Variants in POLR2C observed in about 807,000 individuals in gnomAD.
The protein encoded by POLR2C is DNA-directed RNA polymerase II subunit RPB3.
A neutral mutation model predicts 41.7 loss-of-function variants in POLR2C; 36 were observed. The ratio of observed to expected loss-of-function variants is 0.86; its 90% CI spans 0.66 to 1.14. The LOEUF (loss-of-function observed/expected upper bound fraction) is 1.14. Ranked by LOEUF, POLR2C falls within the 50% of genes most tolerant of loss-of-function variation. The probability of loss-of-function intolerance (pLI) is 0.00; values close to 1 mark genes in which losing one functional copy is unlikely to be tolerated. For synonymous variants in POLR2C, 133 were observed against 137.8 expected, an observed-to-expected ratio of 0.96 and a Z score of 0.25; for missense variants, 260 against 350.4, an observed-to-expected ratio of 0.74 and a Z score of 2.06.
At chr16:57,470,189 G>T (rs1454690753) in intron 7 of POLR2C, 60 bp downstream of exon 7, 4 of 1,594,944 alleles carry the variant, frequency 2.5e-6, no homozygotes, top group African/African-American at 2.7e-5. Context: ...AGAAATGGCT[G>T]TTGTTGACTG....
chr16:57,467,606 C>T (rs2030741603), intron 4 of POLR2C, among the ~76,000 whole-genome samples: 2 of 152,172 alleles, frequency 1.3e-5, no homozygotes, highest in South Asian at 4.1e-4. Context: ...CCTATAGTTA[C>T]CAATTAATAT....
At chr16:57,467,049 C>T (rs562639171) in intron 4 of POLR2C, among the ~76,000 whole-genome samples, 3 of 152,230 alleles carry the variant, frequency 2.0e-5, no homozygotes, top group Admixed American at 1.3e-4. Context: ...CTGGCTGACA[C>T]GGTGAAACCC....
chr16:57,466,137 G>C, intron 3 of POLR2C, 38 bp from the exon 4 acceptor site: 1 of 1,559,650 alleles, frequency 6.4e-7, no homozygotes, highest in Non-Finnish European at 8.8e-7. Context: ...TGGCTTGGCT[G>C]TTTGGTTTTC....
Position 57,469,966 on chromosome 16 carries a change from C to T in POLR2C, c.445C>T (p.Leu149Phe). Residue 149 changes from leucine (L) to phenylalanine (F), a missense_variant, in exon 7 of 9, where the codon CTC (leucine) becomes TTC (phenylalanine). Transcript: ENST00000219252. The surrounding 1 kb of genome is among the most constrained non-coding windows in gnomAD (Gnocchi z 5.8). ...PNDYVEQDDI[L>F]IVKLRKGQEL... is the part of the protein sequence containing the mutation. ...ACTTGTGCCTCTCCCTGCAGACATC[C>T]TCATCGTCAAGTTGAGAAAGGGCCA... The T allele has an allele frequency of 6.2e-7, 1 of 1,613,450 alleles. No homozygotes were observed.
In POLR2C at chr16:57,469,314, T is replaced by C. The variant is rs2030774200; in HGVS notation, c.387+21T>C. The C allele has an allele frequency of 6.2e-7, 1 of 1,613,848 alleles. No individual in the cohort carries two copies. Among genetic ancestry groups the C allele is most frequent in the Middle Eastern group, 1.6e-4 (1 of 6,062 alleles). On this transcript the variant is annotated intron_variant, in intron 5 of 8. Transcript: ENST00000219252. The surrounding 1 kb of genome is among the most constrained non-coding windows in gnomAD (Gnocchi z 5.8). Reference sequence around the variant, plus strand: ...TTCCGGTCAGTGCGGGAGAGCATCCTCTTTTCCCTGGGATCTTTTCTCTTC... The same window carrying C: ...TTCCGGTCAGTGCGGGAGAGCATCCCCTTTTCCCTGGGATCTTTTCTCTTC...
chr16:57,467,389 T>G (rs2030735513), intron 4 of POLR2C, among the ~76,000 whole-genome samples: 3 of 152,234 alleles, frequency 2.0e-5, no homozygotes, highest in Admixed American at 2.0e-4. Context: ...TAGATATTGG[T>G]GGGGACCGTT....
At chr16:57,468,562 A>C (rs900117168) in intron 4 of POLR2C, among the ~76,000 whole-genome samples, 2 of 152,258 alleles carry the variant, frequency 1.3e-5, no homozygotes, top group East Asian at 1.9e-4. Flanking sequence ...TAACATGGGA[A>C]TGAGTCAGTT....
chr16:57,469,514 C>A lies in POLR2C; in HGVS notation c.388-196C>A. On this transcript the variant is annotated intron_variant, in intron 5 of 8. Transcript: ENST00000219252. The surrounding 1 kb of genome is among the most constrained non-coding windows in gnomAD (Gnocchi z 5.8). ...ATCACCCAGGGACTCTTTTAAAGGC[C>A]ATGGAATTGTTTTGCCTGAGGCTAC... is the stretch of plus-strand genomic sequence containing the variant. 1.4e-6 allele frequency: 1 copy of A among 728,150 alleles called. No individual in the cohort carries two copies. The highest frequency in any genetic ancestry group is 2.4e-6 in the Non-Finnish European group (1 of 416,366). 45.1% of individuals were successfully genotyped at this position (728,150 alleles called of 1,614,324 possible). A position where few individuals can be genotyped will look rare whatever the true frequency, so the allele number is the denominator to read the frequency against.
chr16:57,468,502 A>G lies in POLR2C; in HGVS notation c.259-663A>G, dbSNP rs535904115. Among the ~76,000 whole-genome samples the G allele has an allele frequency of 2.6e-5, 4 of 152,322 alleles. No homozygotes were observed. In the South Asian group the frequency reaches 8.3e-4, roughly 32 times the overall value. On this transcript the variant is annotated intron_variant, in intron 4 of 8. Transcript: ENST00000219252. ...GGGAGAGAACAGCTTGCTTGATTGC[A>G]TCCTAGTAACTGTCTTCTTGCCTGA...
rs1284162235 is a variant in POLR2C, at chr16:57,469,484, C to T, written c.387+191C>T. The T allele has an allele frequency of 8.2e-6, 6 of 729,060 alleles. No individual in the cohort carries two copies. The East Asian group carries it at 1.6e-4, about 20-fold the overall frequency. The allele number at this position is 729,060 out of a possible 1,614,324, so 45.2% of individuals were successfully genotyped here. A position where few individuals can be genotyped will look rare whatever the true frequency, so the allele number is the denominator to read the frequency against. Reference sequence around the variant, plus strand: ...CGTTAGCATCGTTGGTGCTGCGCACCCTCTATCACCCAGGGACTCTTTTAA... The same window carrying T: ...CGTTAGCATCGTTGGTGCTGCGCACTCTCTATCACCCAGGGACTCTTTTAA... On this transcript the variant is annotated intron_variant, in intron 5 of 8. Transcript: ENST00000219252. This position sits in a 1 kb window ranked among gnomAD's most constrained non-coding sequence, Gnocchi z 5.8.
At chr16:57,465,456 G>A (rs527570522) in intron 2 of POLR2C, among the ~76,000 whole-genome samples, 3 of 152,286 alleles carry the variant, frequency 2.0e-5, no homozygotes, top group East Asian at 1.9e-4. Flanking sequence ...TATACTTTGC[G>A]CATTAAAAGA....
chr16:57,470,878 C>G, intron 8 of POLR2C, 97 bp from the exon 9 acceptor site: 2 of 1,229,874 alleles, frequency 1.6e-6, no homozygotes, highest in Admixed American at 3.9e-5. Context: ...CATGTGGGAA[C>G]AGAGCCAAGA....
In POLR2C at chr16:57,467,887, C is replaced by T. The variant is rs541086769; in HGVS notation, c.259-1278C>T. Among the ~76,000 whole-genome samples, 7 of 152,312 alleles carry T rather than the reference C, an allele frequency of 4.6e-5. No individual in the cohort carries two copies. The South Asian group carries it at 1.2e-3, about 27-fold the overall frequency. On this transcript the variant is annotated intron_variant, in intron 4 of 8. Transcript: ENST00000219252. ...ATCCAGTGAAGATTCATTTGGTCCT[C>T]ATAGCACTTTAGTCTCTTTTCATCT...
chr16:57,469,454 GGCATCGTTA>G lies in POLR2C; in HGVS notation c.387+170_387+178del. Reference sequence around the variant, plus strand: ...AAGTGCTAATTCTGGATTCCTCTTGGGCATCGTTAGCATCGTTGGTGCTGCGCACCCTCT... The same window carrying G: ...AAGTGCTAATTCTGGATTCCTCTTGGGCATCGTTGGTGCTGCGCACCCTCT... On this transcript the variant is annotated intron_variant, in intron 5 of 8. Transcript: ENST00000219252. The surrounding 1 kb of genome is among the most constrained non-coding windows in gnomAD (Gnocchi z 5.8). The G allele has an allele frequency of 1.2e-6, 1 of 827,986 alleles. No homozygotes were observed. The highest frequency in any genetic ancestry group is 2.0e-6 in the Non-Finnish European group (1 of 500,906). The allele number at this position is 827,986 out of a possible 1,614,324, so 51.3% of individuals were successfully genotyped here. A position where few individuals can be genotyped will look rare whatever the true frequency, so the allele number is the denominator to read the frequency against.
Position 57,469,812 on chromosome 16 carries a change from GAC to G in POLR2C, c.439+55_439+56del, listed in dbSNP as rs1483628298. 6.3e-7 allele frequency: 1 copy of G among 1,583,998 alleles called. No homozygotes were observed. Among genetic ancestry groups the G allele is most frequent in the Non-Finnish European group, 8.7e-7 (1 of 1,153,870 alleles). Reference sequence around the variant, plus strand: ...GTGGGCCAGCGGGAAGGAGGGACCAGACACAGCCTCTCGTGCTGCCTGGTCTC... The same window carrying G: ...GTGGGCCAGCGGGAAGGAGGGACCAGACAGCCTCTCGTGCTGCCTGGTCTC... On this transcript the variant is annotated intron_variant, in intron 6 of 8. Transcript: ENST00000219252. This position sits in a 1 kb window ranked among gnomAD's most constrained non-coding sequence, Gnocchi z 5.8.
At position 57,469,545 on chromosome 16, in the gene POLR2C, C is replaced by A; in HGVS notation, c.388-165C>A. 1.3e-6 allele frequency: 1 copy of A among 750,536 alleles called. No individual in the cohort carries two copies. The highest frequency in any genetic ancestry group is 2.3e-6 in the Non-Finnish European group (1 of 425,646). 46.5% of individuals were successfully genotyped at this position (750,536 alleles called of 1,614,324 possible). A position where few individuals can be genotyped will look rare whatever the true frequency, so the allele number is the denominator to read the frequency against. Reference sequence around the variant, plus strand: ...ATTGTTTTGCCTGAGGCTACCACCACACCCTGAAGTGGGGGTTGGAGTCCT... The same window carrying A: ...ATTGTTTTGCCTGAGGCTACCACCAAACCCTGAAGTGGGGGTTGGAGTCCT... On this transcript the variant is annotated intron_variant, in intron 5 of 8. Transcript: ENST00000219252. The surrounding 1 kb of genome is among the most constrained non-coding windows in gnomAD (Gnocchi z 5.8).
At chr16:57,463,778 A>C in intron 2 of POLR2C, 1 of 358,448 alleles carries the variant, frequency 2.8e-6, no homozygotes. Context: ...GCCCGCCTCT[A>C]CTAAAAATGC....
chr16:57,462,831 G>A (rs1238106906), intron 1 of POLR2C, 21 bp downstream of exon 1: 5 of 1,591,054 alleles, frequency 3.1e-6, no homozygotes, highest in Non-Finnish European at 4.3e-6. Context: ...CGAGGGAAGA[G>A]GCTGGCGGCT....
At position 57,469,732 on chromosome 16, in the gene POLR2C, A is replaced by G. The variant is rs376285568; in HGVS notation, c.410A>G (p.Asn137Ser). The G allele has an allele frequency of 3.1e-6, 5 of 1,613,944 alleles. No individual in the cohort carries two copies. The highest frequency in any genetic ancestry group is 4.2e-6 in the Non-Finnish European group (5 of 1,179,922). Reference protein sequence around the residue: ...VIPVTSRNRDNDPNDYVEQDD... With the variant: ...VIPVTSRNRDSDPNDYVEQDD... ...CAGGTGACATCCCGGAACCGAGATA[A>G]TGACCCCAATGACTACGTGGAGCAG... The change falls in exon 6 of 9, where the codon AAT becomes AGT. Residue 137 changes from asparagine to serine, a missense_variant. Physicochemically the swap from Asn to Ser is conservative, Grantham distance 46. Coordinates refer to ENST00000219252, the MANE Select transcript of POLR2C (RefSeq NM_032940.3). The surrounding 1 kb of genome is among the most constrained non-coding windows in gnomAD (Gnocchi z 5.8).
Sources: allele counts gnomAD v4.1 joint callset (sites outside exome capture counted in the v4.1 genomes callset), GRCh38; gene constraint gnomAD v4.1.1; non-coding constraint Gnocchi (gnomAD v3.1); transcripts MANE v1.5; gene names NCBI Gene and HGNC (gene_info 2026-07-23, HGNC 2026-07-21).